The following FAM9B variants were observed in gnomAD, a reference collection of about 807,000 sequenced individuals.
FAM9B encodes protein FAM9B.
In FAM9B, 18 loss-of-function variants were observed where a neutral mutation model predicts 16.6. The ratio of observed to expected loss-of-function variants is 1.09; its 90% CI spans 0.75 to 1.61. FAM9B has a LOEUF of 1.61. Among genes scored for constraint, FAM9B ranks in the 40% most tolerant of loss-of-function variants. The probability of loss-of-function intolerance (pLI) is 0.00; values close to 1 mark genes in which losing one functional copy is unlikely to be tolerated. For synonymous variants in FAM9B, 43 were observed against 42.6 expected, an observed-to-expected ratio of 1.01 and a Z score of -0.03; for missense variants, 155 against 136.0, an observed-to-expected ratio of 1.14 and a Z score of -0.70.
chrX:9,030,285 G>C lies in FAM9B; in HGVS notation c.257C>G (p.Ala86Gly). 1.7e-6 allele frequency: 2 copies of C among 1,200,665 alleles called. No homozygotes were observed. The highest frequency in any genetic ancestry group is 1.1e-6 in the Non-Finnish European group (1 of 890,450). ...CSKTKNKSKH[A>G]LRKKQLKRQK... ...CCTTTTAAGTTGCTTTTTTCTCAAA[G>C]CATGTTTACTTTTGTTCTTTGTTTT... Residue 86 changes from alanine (A) to glycine (G), a missense_variant, in exon 5 of 9, where the codon GCT (alanine) becomes GGT (glycine). Transcript: ENST00000327220.
chrX:9,029,562 G>T, intron 5 of FAM9B, 144 bp from the exon 6 acceptor site: 1 of 405,495 alleles, frequency 2.5e-6, no homozygotes, highest in Non-Finnish European at 4.2e-6. Context: ...TTGGAAAAAA[G>T]TGAAATGAGT....
At chrX:9,026,042 CTT>C (rs1473579271) in intron 7 of FAM9B, among the ~76,000 whole-genome samples, 1 of 111,712 alleles carries the variant, frequency 9.0e-6, no homozygotes, top group African/African-American at 3.3e-5. Context: ...AATATATACT[CTT>C]TACTCAACAA....
intron 2 of FAM9B, 78 bp from the exon 3 acceptor site, chrX:9,032,539 G>C: frequency 2.4e-6 from 1 of 417,514 alleles, no homozygotes; most frequent in Non-Finnish European, 3.6e-6. Context: ...AAATGTACTA[G>C]TTGTAGACTT....
At chrX:9,030,589 G>GA (rs757842265) in intron 4 of FAM9B, 9 of 269,186 alleles carry the variant, frequency 3.3e-5, no homozygotes, top group African/African-American at 2.5e-4. Context: ...TGGTATAACT[G>GA]AAAATCACTT....
chrX:9,027,291 G>A (rs1458130696), intron 7 of FAM9B, among the ~76,000 whole-genome samples: 6 of 111,640 alleles, frequency 5.4e-5, no homozygotes, highest in Non-Finnish European at 1.1e-4. Context: ...AAATAAAAAA[G>A]ACACACAGTA....
rs1920959643 is a variant in FAM9B, at chrX:9,025,503, T to G, written c.*12A>C. On this transcript the variant is annotated 3_prime_UTR_variant, in exon 8 of 9. Transcript: ENST00000327220. ...ACTTACAGTTCTGACATGATTTTAT[T>G]TAAAAACATGTCTAGTTATCAAGTT... 1 of 1,184,096 alleles carries G rather than the reference T, an allele frequency of 8.4e-7. No individual in the cohort carries two copies. The highest frequency in any genetic ancestry group is 2.3e-5 in the Admixed American group (1 of 44,314).
In FAM9B at chrX:9,032,642, T is replaced by C. The variant is rs1186725758; in HGVS notation, c.29-181A>G. On this transcript the variant is annotated intron_variant, in intron 2 of 8. Coordinates refer to ENST00000327220, the MANE Select transcript of FAM9B (RefSeq NM_205849.3). ...CCTGACCATTTTATCGAGGGACTTTTGGAAGCCCTTCGGGTTCAGGTTCCA... is the reference window on the plus strand; with the variant it reads ...CCTGACCATTTTATCGAGGGACTTTCGGAAGCCCTTCGGGTTCAGGTTCCA... 4.1e-6 allele frequency: 3 copies of C among 737,692 alleles called. No individual in the cohort carries two copies. The African/African-American group carries it at 6.4e-5, about 16-fold the overall frequency. The allele number at this position is 737,692 out of a possible 1,213,427, so 60.8% of individuals were successfully genotyped here. A position where few individuals can be genotyped will look rare whatever the true frequency, so the allele number is the denominator to read the frequency against.
At chrX:9,025,441 T>C (rs1020955929) in intron 8 of FAM9B, 43 bp downstream of exon 8, 2 of 881,265 alleles carry the variant, frequency 2.3e-6, no homozygotes, top group African/African-American at 4.0e-5. Context: ...ATTCCAGTGC[T>C]ACATCAATCC....
intron 1 of FAM9B, 105 bp from the exon 2 acceptor site, chrX:9,033,180 G>C (rs1921142788): frequency 8.7e-7 from 1 of 1,154,305 alleles, no homozygotes; most frequent in Admixed American, 2.6e-5. Context: ...CCCGCCCTGG[G>C]TCTCATGTGG....
At position 9,029,221 on chromosome X, in the gene FAM9B, C is replaced by T; in HGVS notation, c.393+86G>A. On this transcript the variant is annotated intron_variant, in intron 6 of 8. Coordinates refer to ENST00000327220, the MANE Select transcript of FAM9B (RefSeq NM_205849.3). Reference sequence around the variant, plus strand: ...CCCCTCTCTGGGCTCATGCGCTCTTCCTTCTTTGCTGGATTTCTGCATGAA... The same window carrying T: ...CCCCTCTCTGGGCTCATGCGCTCTTTCTTCTTTGCTGGATTTCTGCATGAA... 6.1e-6 allele frequency: 5 copies of T among 813,526 alleles called. No homozygotes were observed. In the South Asian group the frequency reaches 1.3e-4, roughly 21 times the overall value. The allele number at this position is 813,526 out of a possible 1,213,427, so 67.0% of individuals were successfully genotyped here.
rs1322498079 is a variant in FAM9B, at chrX:9,024,445, G to A, written c.*964C>T. On this transcript the variant is annotated 3_prime_UTR_variant, in exon 9 of 9. Transcript: ENST00000327220. ...AACTAAATAGCATTTTGATGTCTGT[G>A]GAAATGACATACCCACAAACCAGTG... is the stretch of plus-strand genomic sequence containing the variant. 3.1e-4 allele frequency: 35 copies of A among 111,726 alleles called. No homozygotes were observed. Among genetic ancestry groups the A allele is most frequent in the Non-Finnish European group, 1.5e-4 (8 of 53,165 alleles). 9.2% of individuals were successfully genotyped at this position (111,726 alleles called of 1,213,427 possible). A position where few individuals can be genotyped will look rare whatever the true frequency, so the allele number is the denominator to read the frequency against.
At position 9,033,016 on chromosome X, in the gene FAM9B, C is replaced by T. The variant is rs1162263609; in HGVS notation, c.-30G>A. ...TGAGCCTCCAACTGGGCCTTGGCAGCCCTCCTGCCCACAGGATCCGTGGCT... is the reference window on the plus strand; with the variant it reads ...TGAGCCTCCAACTGGGCCTTGGCAGTCCTCCTGCCCACAGGATCCGTGGCT... On this transcript the variant is annotated 5_prime_UTR_variant, in exon 2 of 9. Coordinates refer to ENST00000327220, the MANE Select transcript of FAM9B (RefSeq NM_205849.3). 1.7e-6 allele frequency: 2 copies of T among 1,211,943 alleles called. No homozygotes were observed. The highest frequency in any genetic ancestry group is 3.5e-5 in the South Asian group (2 of 57,019).
Position 9,032,177 on chromosome X carries a change from C to T in FAM9B, c.150-16G>A. ...GGTATTAGCCCTGTAAAAAAAGTTA[C>T]ATCAAAATTTTAACAAAATACTACA... On this transcript the variant is annotated splice_polypyrimidine_tract_variant and intron_variant, in intron 3 of 8. Transcript: ENST00000327220. The T allele has an allele frequency of 1.7e-6, 2 of 1,202,405 alleles. No individual in the cohort carries two copies. Among genetic ancestry groups the T allele is most frequent in the South Asian group, 3.6e-5 (2 of 55,452 alleles).
intron 1 of FAM9B, 165 bp from the exon 2 acceptor site, chrX:9,033,240 G>A (rs996425870): frequency 1.4e-5 from 15 of 1,095,830 alleles, no homozygotes; most frequent in East Asian, 3.3e-5. Flanking sequence ...GTCCTGGCCC[G>A]TCCAGCCCGT....
Position 9,030,370 on chromosome X carries a change from CAGTT to C in FAM9B, c.182-14_182-11del, listed in dbSNP as rs754664798. The C allele has an allele frequency of 1.1e-5, 13 of 1,145,572 alleles. No individual in the cohort carries two copies. The highest frequency in any genetic ancestry group is 1.4e-5 in the Non-Finnish European group (12 of 850,335). 94.4% of individuals were successfully genotyped at this position (1,145,572 alleles called of 1,213,427 possible). A position where few individuals can be genotyped will look rare whatever the true frequency, so the allele number is the denominator to read the frequency against. ...TTTGCAGTAAGATCCTCTTTAATGT[CAGTT>C]AGATAGTAAATGAAAATGGATTAAA... On this transcript the variant is annotated splice_polypyrimidine_tract_variant and intron_variant, in intron 4 of 8. Transcript: ENST00000327220.
intron 2 of FAM9B, 86 bp from the exon 3 acceptor site, chrX:9,032,547 C>CT (rs1409981544): frequency 1.8e-4 from 124 of 692,087 alleles, no homozygotes; most frequent in African/African-American, 9.6e-4. Flanking sequence ...TAGTTGTAGA[C>CT]TTTTTTGGGG....
At position 9,024,317 on chromosome X, in the gene FAM9B, T is replaced by C. The variant is rs887553799; in HGVS notation, c.*1092A>G. 8.9e-6 allele frequency: 1 copy of C among 111,747 alleles called. No individual in the cohort carries two copies. Among genetic ancestry groups the C allele is most frequent in the African/African-American group, 3.3e-5 (1 of 30,744 alleles). The allele number at this position is 111,747 out of a possible 1,213,427, so 9.2% of individuals were successfully genotyped here. A position where few individuals can be genotyped will look rare whatever the true frequency, so the allele number is the denominator to read the frequency against. ...GATAAACAAAGCACTCTACAAAATTTACCTTGCCACAGATGTGAAATAATT... is the reference window on the plus strand; with the variant it reads ...GATAAACAAAGCACTCTACAAAATTCACCTTGCCACAGATGTGAAATAATT... On this transcript the variant is annotated 3_prime_UTR_variant, in exon 9 of 9. Coordinates refer to ENST00000327220, the MANE Select transcript of FAM9B (RefSeq NM_205849.3).
In FAM9B at chrX:9,033,076, C is replaced by G. The variant is rs1351357311; in HGVS notation, c.-89-1G>C. On this transcript the variant is annotated splice_acceptor_variant, in intron 1 of 8. Transcript: ENST00000327220. LOFTEE classifies it low-confidence loss of function (5UTR_SPLICE). ...GGGAAGCTAGAGGCGATCCCCGAAC[C>G]TGGTGAGCGCAAAGACACACTAAGG... The G allele has an allele frequency of 9.1e-6, 11 of 1,208,261 alleles. No individual in the cohort carries two copies. The highest frequency in any genetic ancestry group is 1.7e-5 in the African/African-American group (1 of 57,836).
At position 9,034,039 on chromosome X, in the gene FAM9B, C is replaced by A; in HGVS notation, c.-277G>T. 3.3e-6 allele frequency: 1 copy of A among 299,747 alleles called. No individual in the cohort carries two copies. The highest frequency in any genetic ancestry group is 4.5e-6 in the Non-Finnish European group (1 of 224,587). The allele number at this position is 299,747 out of a possible 1,213,427, so 24.7% of individuals were successfully genotyped here. Reference sequence around the variant, plus strand: ...TAGGCAGCAAGAGCCAGACTCCGTCCCAAAAAAAACAAAACAAAAAAACAA... The same window carrying A: ...TAGGCAGCAAGAGCCAGACTCCGTCACAAAAAAAACAAAACAAAAAAACAA... On this transcript the variant is annotated 5_prime_UTR_variant, in exon 1 of 9. Transcript: ENST00000327220.
Sources: allele counts gnomAD v4.1 joint callset (sites outside exome capture counted in the v4.1 genomes callset), GRCh38; gene constraint gnomAD v4.1.1; transcripts MANE v1.5; gene names NCBI Gene and HGNC (gene_info 2026-07-23, HGNC 2026-07-21).